COL12A1: variants seen among roughly 807,000 people sequenced by gnomAD.
COL12A1 encodes the protein collagen type XII alpha 1 chain, also known as collagen alpha-1(XII) chain.
In COL12A1, 114 loss-of-function variants were observed where a neutral mutation model predicts 349.7. That is an observed-to-expected ratio of 0.33 (90% CI 0.28 to 0.38). The LOEUF is 0.38. COL12A1 is among the 10% of genes least tolerant of loss of function. The pLI, the probability that COL12A1 is intolerant of heterozygous loss-of-function variation, is 1.00. For missense variants in COL12A1, 3,284 were observed against 3,756.9 expected (o/e 0.87, Z 3.29); for synonymous variants, 1,369 against 1,329.0 (o/e 1.03, Z -0.66).
chr6:75,095,263 G>C, intron 59 of COL12A1, 84 bp from the exon 60 acceptor site: 2 of 996,424 alleles, frequency 2.0e-6, no homozygotes, highest in Non-Finnish European at 3.0e-6. Flanking sequence ...TGTTTTAAAC[G>C]CGTTTAAATG....
chr6:75,129,484 C>T (rs1562176971), intron 37 of COL12A1, among the ~76,000 whole-genome samples: 1 of 152,124 alleles, frequency 6.6e-6, no homozygotes, highest in Non-Finnish European at 1.5e-5. Context: ...TTCCATTTTT[C>T]CACTCATAAC....
chr6:75,158,447 C>T (rs904374784), intron 14 of COL12A1, among the ~76,000 whole-genome samples: 2 of 152,124 alleles, frequency 1.3e-5, no homozygotes, highest in Non-Finnish European at 2.9e-5. Flanking sequence ...TTTCCAGCCT[C>T]CAAAACTGTG....
Position 75,146,014 on chromosome 6 carries a change from G to C in COL12A1, c.4560+88C>G. 6 of 1,307,754 alleles carry C rather than the reference G, an allele frequency of 4.6e-6. No homozygotes were observed. The South Asian group carries it at 1.1e-4, about 24-fold the overall frequency. The allele number at this position is 1,307,754 out of a possible 1,614,324, so 81.0% of individuals were successfully genotyped here. A position where few individuals can be genotyped will look rare whatever the true frequency, so the allele number is the denominator to read the frequency against. On this transcript the variant is annotated intron_variant, in intron 24 of 65. Coordinates refer to ENST00000322507, the MANE Select transcript of COL12A1 (RefSeq NM_004370.6). ...CCATTTTGTACGTAAAGTTATAAAT[G>C]AGTTTGTAAGTAACTGCAGTATAAT...
At chr6:75,135,054 C>A (rs1049643002) in intron 31 of COL12A1, among the ~76,000 whole-genome samples, 199 bp from the exon 32 acceptor site, 2 of 152,032 alleles carry the variant, frequency 1.3e-5, no homozygotes, top group South Asian at 4.2e-4. Context: ...AAAAAGGATT[C>A]CAAGCTTTAA....
At chr6:75,110,002 T>C (rs1269932780) in intron 51 of COL12A1, among the ~76,000 whole-genome samples, 1 of 152,064 alleles carries the variant, frequency 6.6e-6, no homozygotes, top group Non-Finnish European at 1.5e-5. Flanking sequence ...AGCATAAGAA[T>C]AATTTCTAAA....
chr6:75,146,308 GT>G, intron 23 of COL12A1, 64 bp from the exon 24 acceptor site: 4 of 1,469,720 alleles, frequency 2.7e-6, no homozygotes, highest in Non-Finnish European at 3.6e-6. Flanking sequence ...TTTAACCATT[GT>G]TTTGTACTCA....
chr6:75,151,074 A>AAC, intron 21 of COL12A1, 67 bp downstream of exon 21: 6 of 136,676 alleles, frequency 4.4e-5, no homozygotes, highest in Non-Finnish European at 7.6e-5. Flanking sequence ...CCCCCCACCC[A>AAC]AAAGAATAAT....
At position 75,103,787 on chromosome 6, in the gene COL12A1, G is replaced by A. The variant is rs753913412; in HGVS notation, c.8289C>T (p.Pro2763=). ...GPAGGPGAKG[P]RGERGISGAI... ...CCCCACTGATACCTCTTTCACCTCT[G>A]GGACCTTTAGCACCAGGTCCTCCCT... Residue 2763 remains proline (P), a synonymous_variant, in exon 55 of 66, where the codon CCC becomes CCT. Transcript: ENST00000322507. 1.2e-6 allele frequency: 2 copies of A among 1,613,226 alleles called. No individual in the cohort carries two copies. The highest frequency in any genetic ancestry group is 2.2e-5 in the South Asian group (2 of 91,020).
intron 51 of COL12A1, among the ~76,000 whole-genome samples, chr6:75,111,039 T>C (rs1196929533): frequency 1.3e-5 from 2 of 151,938 alleles, no homozygotes; most frequent in Non-Finnish European, 2.9e-5. Context: ...CAATGGTAAC[T>C]GTAGAGGTAA....
rs1185003215 is a variant in COL12A1 at position 75,104,819 on chromosome 6, CA to C, written c.8265+386del. Among the ~76,000 whole-genome samples the C allele has an allele frequency of 3.9e-5, 6 of 152,300 alleles. 1 individual carries two copies. The East Asian group carries it at 1.2e-3, about 29-fold the overall frequency. ...ATAAGATGCACATGTTCTAGGTTCTCAACAAGTTGTTCTTGGGTCAGCCTCT... is the reference window on the plus strand; with the variant it reads ...ATAAGATGCACATGTTCTAGGTTCTCACAAGTTGTTCTTGGGTCAGCCTCT... On this transcript the variant is annotated intron_variant, in intron 54 of 65. Transcript: ENST00000322507.
chr6:75,147,695 A>G lies in COL12A1; in HGVS notation c.4397T>C (p.Leu1466Pro), dbSNP rs775325122. ...SVVEDEYSEP[L>P]KGTEKTLPVP... is the part of the protein sequence containing the mutation. ...CTCACAGGTTTTTTCTGTCCCCTTC[A>G]GAGGCTCACTATATTCATCTTCTAC... The change falls in exon 23 of 66, where the codon CTG (leucine) becomes CCG (proline). Residue 1466 changes from leucine (L) to proline (P), a missense_variant. Physicochemically the swap from Leu to Pro is moderately conservative, Grantham distance 98. This residue lies in a region of COL12A1 where 2,601 missense variants were observed against 2,824.8 expected (regional missense o/e 0.92). Coordinates refer to ENST00000322507, the MANE Select transcript of COL12A1 (RefSeq NM_004370.6). The G allele has an allele frequency of 1.2e-6, 2 of 1,610,138 alleles. No individual in the cohort carries two copies. The highest frequency in any genetic ancestry group is 1.7e-6 in the Non-Finnish European group (2 of 1,178,516).
intron 36 of COL12A1, 28 bp downstream of exon 36, chr6:75,130,824 T>G: frequency 6.2e-7 from 1 of 1,613,540 alleles, no homozygotes; most frequent in Non-Finnish European, 8.5e-7. Flanking sequence ...TACAAGGGAA[T>G]GGAATGGAGA....
intron 2 of COL12A1, among the ~76,000 whole-genome samples, chr6:75,199,587 C>T (rs1770418368): frequency 6.6e-6 from 1 of 152,138 alleles, no homozygotes; most frequent in South Asian, 2.1e-4. Context: ...GGAATACTGA[C>T]CATTAATCTT....
chr6:75,097,392 G>T, intron 58 of COL12A1, 86 bp from the exon 59 acceptor site: 1 of 1,053,840 alleles, frequency 9.5e-7, no homozygotes, highest in Non-Finnish European at 1.4e-6. Context: ...TAAAGCTGAA[G>T]GCTGAAGAGA....
intron 12 of COL12A1, among the ~76,000 whole-genome samples, chr6:75,175,950 T>C (rs968524953): frequency 6.6e-6 from 1 of 152,204 alleles, no homozygotes; most frequent in African/African-American, 2.4e-5. Context: ...TCCTAAGGAA[T>C]CCAGCCCTAT....
Position 75,187,497 on chromosome 6 carries a change from G to A in COL12A1, c.997+865C>T, listed in dbSNP as rs191860862. On this transcript the variant is annotated intron_variant, in intron 8 of 65. Coordinates refer to ENST00000322507, the MANE Select transcript of COL12A1 (RefSeq NM_004370.6). ...GAAGAGAAGTAATCAGAGAAAAGTGGAGGTGAGTGAGATGGATTTTATAAT... is the reference window on the plus strand; with the variant it reads ...GAAGAGAAGTAATCAGAGAAAAGTGAAGGTGAGTGAGATGGATTTTATAAT... 8.9e-3 allele frequency among the ~76,000 whole-genome samples: 1,357 copies of A among 152,246 alleles called. 11 individuals are homozygous for A. The highest frequency in any genetic ancestry group is 0.02 in the South Asian group (97 of 4,826).
intron 25 of COL12A1, among the ~76,000 whole-genome samples, chr6:75,144,919 A>T (rs560649662): frequency 6.4e-4 from 97 of 152,334 alleles, no homozygotes; most frequent in Middle Eastern, 3.4e-3. Context: ...ATTAAACCCA[A>T]TGTCTTCCTC....
chr6:75,184,253 C>T (rs1429390862), intron 8 of COL12A1, 109 bp from the exon 9 acceptor site: 1 of 1,213,988 alleles, frequency 8.2e-7, no homozygotes, highest in African/African-American at 1.5e-5. Context: ...ATCCTAAATA[C>T]ATTGAAAAGA....
chr6:75,119,028 C>T lies in COL12A1; in HGVS notation c.7354+15G>A, dbSNP rs1769221906. ...TTAAAATTTCAAGTGCAATCAAATT[C>T]ATGTATGTGCTTGCCTGACTGCTGG... On this transcript the variant is annotated intron_variant, in intron 46 of 65. Coordinates refer to ENST00000322507, the MANE Select transcript of COL12A1 (RefSeq NM_004370.6). 1 of 1,612,314 alleles carries T rather than the reference C, an allele frequency of 6.2e-7. No homozygotes were observed. The highest frequency in any genetic ancestry group is 8.5e-7 in the Non-Finnish European group (1 of 1,179,406).
Sources: allele counts gnomAD v4.1 joint callset (sites outside exome capture counted in the v4.1 genomes callset), GRCh38; gene constraint gnomAD v4.1.1; regional missense constraint gnomAD v4.1.1; transcripts MANE v1.5; gene names NCBI Gene and HGNC (gene_info 2026-07-23, HGNC 2026-07-21).